The following CDH13 variants were observed in gnomAD, a reference collection of about 807,000 sequenced individuals.
CDH13 encodes the protein cadherin 13.
Under a neutral mutation model 63.8 loss-of-function variants are expected in CDH13, and 24 were observed. The ratio of observed to expected loss-of-function variants is 0.38; its 90% CI spans 0.27 to 0.53. The LOEUF (loss-of-function observed/expected upper bound fraction) is 0.53. CDH13 is among the 20% of genes least tolerant of loss of function. CDH13 has a pLI of 0.85. For missense variants in CDH13, 1,049 were observed against 903.1 expected, an observed-to-expected ratio of 1.16 and a Z score of -2.07; for synonymous variants, 503 against 355.3, an observed-to-expected ratio of 1.42 and a Z score of -4.67.
intron 5 of CDH13, among the ~76,000 whole-genome samples, chr16:83,278,532 C>T (rs1307216883): frequency 2.0e-5 from 3 of 152,162 alleles, no homozygotes; most frequent in Admixed American, 1.3e-4. Flanking sequence ...AAGCTATCAA[C>T]CCGGCATCAC....
intron 1 of CDH13, among the ~76,000 whole-genome samples, chr16:82,650,268 C>G (rs965498143): frequency 9.9e-5 from 15 of 152,102 alleles, no homozygotes; most frequent in African/African-American, 3.6e-4. Context: ...AGTTAATAAA[C>G]AGAGGCTGTT....
chr16:83,794,721 C>G (rs960730153), intron 13 of CDH13, among the ~76,000 whole-genome samples: 2 of 152,126 alleles, frequency 1.3e-5, no homozygotes, highest in East Asian at 3.9e-4. Flanking sequence ...TAGCCAAGCT[C>G]TGTGCTGAGA....
At chr16:83,506,198 C>T (rs1010440720) in intron 7 of CDH13, among the ~76,000 whole-genome samples, 3 of 152,234 alleles carry the variant, frequency 2.0e-5, no homozygotes, top group African/African-American at 7.2e-5. Context: ...TTCATTAAGG[C>T]CTGAAGGAAA....
intron 3 of CDH13, among the ~76,000 whole-genome samples, chr16:83,067,463 A>G (rs1201047439): frequency 1.3e-5 from 2 of 152,224 alleles, no homozygotes; most frequent in Non-Finnish European, 2.9e-5. Context: ...GAACCCATAT[A>G]GTGTTTGAGA....
chr16:83,705,641 G>A, intron 10 of CDH13, among the ~76,000 whole-genome samples: 1 of 152,148 alleles, frequency 6.6e-6, no homozygotes, highest in Non-Finnish European at 1.5e-5. Flanking sequence ...GAAAAAGAAT[G>A]ATATTAGCAG....
intron 10 of CDH13, among the ~76,000 whole-genome samples, chr16:83,727,050 A>G (rs1456810783): frequency 6.6e-6 from 1 of 152,100 alleles, no homozygotes; most frequent in Non-Finnish European, 1.5e-5. Flanking sequence ...CGTACAATTC[A>G]CCCATTTAAA....
In CDH13 at chr16:83,780,471, T is replaced by A. The variant is rs918684; in HGVS notation, c.1915+270T>A. ...ACACCCTGTGTTGTATATCCTAACCTGTCTGCTACATACACTATTTAGTAT... is the reference window on the plus strand; with the variant it reads ...ACACCCTGTGTTGTATATCCTAACCAGTCTGCTACATACACTATTTAGTAT... On this transcript the variant is annotated intron_variant, in intron 12 of 13. Transcript: ENST00000567109. Among the ~76,000 whole-genome samples the A allele has an allele frequency of 0.21, 32,671 of 152,172 alleles. 4,264 individuals carry two copies. Among genetic ancestry groups the A allele is most frequent in the East Asian group, 0.6 (3,097 of 5,166 alleles).
At chr16:82,999,818 C>T (rs911654591) in intron 2 of CDH13, among the ~76,000 whole-genome samples, 3 of 152,132 alleles carry the variant, frequency 2.0e-5, no homozygotes, top group Admixed American at 6.5e-5. Flanking sequence ...AGGCTAATGA[C>T]GCTGCCTCTG....
At chr16:83,367,317 T>A (rs887541060) in intron 6 of CDH13, among the ~76,000 whole-genome samples, 1 of 152,232 alleles carries the variant, frequency 6.6e-6, no homozygotes, top group East Asian at 1.9e-4. Context: ...TTTCATTTTA[T>A]TGATTATTAA....
intron 13 of CDH13, among the ~76,000 whole-genome samples, chr16:83,788,614 A>T (rs77691510): frequency 1.3e-5 from 2 of 152,096 alleles, no homozygotes; most frequent in Non-Finnish European, 2.9e-5. Context: ...TCATCTCTCA[A>T]CTGAGCTCTT....
Position 83,120,887 on chromosome 16 carries a change from C to T in CDH13, c.367-4498C>T, listed in dbSNP as rs1344407705. On this transcript the variant is annotated intron_variant, in intron 3 of 13. Transcript: ENST00000567109. ...CAAGTGATTCTCCTGCCTCATCCTC[C>T]CGAGTAGCTGGGATTACAGGCAGGT... Among the ~76,000 whole-genome samples, 7 of 151,646 alleles carry T rather than the reference C, an allele frequency of 4.6e-5. No homozygotes were observed. The East Asian group carries it at 5.8e-4, about 13-fold the overall frequency.
intron 6 of CDH13, among the ~76,000 whole-genome samples, chr16:83,422,572 G>A (rs1301782847): frequency 1.3e-5 from 2 of 152,186 alleles, no homozygotes; most frequent in African/African-American, 4.8e-5. Context: ...TCTTTCTGGT[G>A]TCTGGTTCAA....
intron 1 of CDH13, among the ~76,000 whole-genome samples, chr16:82,793,641 A>T (rs1329661624): frequency 6.6e-6 from 1 of 152,140 alleles, no homozygotes; most frequent in Non-Finnish European, 1.5e-5. Flanking sequence ...CGATATAGTA[A>T]CAGAGCAAAC....
intron 5 of CDH13, among the ~76,000 whole-genome samples, chr16:83,334,179 T>G (rs1314295405): frequency 7.2e-5 from 11 of 152,056 alleles, no homozygotes; most frequent in African/African-American, 2.7e-4. Flanking sequence ...TCTTCCTCCC[T>G]CTTAACGACT....
intron 2 of CDH13, among the ~76,000 whole-genome samples, chr16:82,872,713 C>T (rs933443218): frequency 1.3e-5 from 2 of 152,066 alleles, no homozygotes; most frequent in African/African-American, 2.4e-5. Flanking sequence ...TCAAAATATC[C>T]CCAAGGACTT....
At chr16:82,750,384 C>A (rs985882492) in intron 1 of CDH13, among the ~76,000 whole-genome samples, 2 of 152,112 alleles carry the variant, frequency 1.3e-5, no homozygotes, top group Admixed American at 1.3e-4. Flanking sequence ...CTCTACCAGC[C>A]TCAATCTTTA....
At chr16:83,014,774 A>ATATATT (rs1394588994) in intron 2 of CDH13, among the ~76,000 whole-genome samples, 2 of 36,314 alleles carry the variant, frequency 5.5e-5, no homozygotes, top group African/African-American at 8.8e-5. Flanking sequence ...ATATATATAT[A>ATATATT]TGTATATATA....
At chr16:83,741,016 C>A (rs556693946) in intron 10 of CDH13, among the ~76,000 whole-genome samples, 1 of 152,310 alleles carries the variant, frequency 6.6e-6, no homozygotes, top group African/African-American at 2.4e-5. Context: ...GAGACCATGG[C>A]AGTCCTTTCT....
At chr16:83,026,516 C>A (rs1036419726) in intron 2 of CDH13, among the ~76,000 whole-genome samples, 1 of 151,960 alleles carries the variant, frequency 6.6e-6, no homozygotes, top group East Asian at 1.9e-4. Flanking sequence ...ATTGCACTTA[C>A]AAATGTAAAG....
Sources: gnomAD v4.1 joint callset for allele counts (sites outside exome capture counted in the v4.1 genomes callset) on GRCh38, gnomAD v4.1.1 for gene constraint, MANE v1.5 for transcripts, NCBI Gene and HGNC (gene_info 2026-07-23, HGNC 2026-07-21) for gene names.